Variants in ROBO2 observed in about 807,000 individuals in gnomAD.
The protein encoded by ROBO2 is roundabout homolog 2.
A neutral mutation model predicts 160.8 loss-of-function variants in ROBO2; 53 were observed. The observed-to-expected ratio is 0.33, with a 90% CI of 0.26 to 0.41. ROBO2 has a LOEUF of 0.41. Ranked by LOEUF, ROBO2 falls within the 10% of genes least tolerant of loss-of-function variation. The pLI is 1.00. For missense variants in ROBO2, 1,577 were observed against 1,722.4 expected, an observed-to-expected ratio of 0.92 and a Z score of 1.49; for synonymous variants, 664 against 611.7, an observed-to-expected ratio of 1.09 and a Z score of -1.26.
chr3:76,702,946 C>CT (rs1330950081), intron 2 of ROBO2, among the ~76,000 whole-genome samples: 2 of 152,096 alleles, frequency 1.3e-5, no homozygotes, highest in African/African-American at 2.4e-5. Flanking sequence ...AGAAAATACA[C>CT]TTAATCTTTT....
At chr3:76,340,591 T>C (rs1046147359) in intron 2 of ROBO2, among the ~76,000 whole-genome samples, 1 of 152,204 alleles carries the variant, frequency 6.6e-6, no homozygotes, top group African/African-American at 2.4e-5. Context: ...ATTTAACTTT[T>C]GCAGAAATCA....
chr3:76,734,119 A>G (rs1254158550), intron 2 of ROBO2, among the ~76,000 whole-genome samples: 1 of 152,176 alleles, frequency 6.6e-6, no homozygotes, highest in Non-Finnish European at 1.5e-5. Flanking sequence ...TGGGGTTTGT[A>G]CTTCAACATA....
At chr3:76,886,974 T>C (rs1168001711) in intron 2 of ROBO2, among the ~76,000 whole-genome samples, 1 of 152,216 alleles carries the variant, frequency 6.6e-6, no homozygotes, top group East Asian at 1.9e-4. Flanking sequence ...AGAAACATCA[T>C]AGAAAGTTTT....
chr3:77,417,917 T>C (rs2077390826), intron 2 of ROBO2, among the ~76,000 whole-genome samples: 1 of 151,678 alleles, frequency 6.6e-6, no homozygotes, highest in African/African-American at 2.4e-5. Flanking sequence ...AATTTTCTCA[T>C]GTTACATATT....
chr3:76,262,240 G>A (rs1249168291), intron 2 of ROBO2, among the ~76,000 whole-genome samples: 1 of 151,778 alleles, frequency 6.6e-6, no homozygotes, highest in Admixed American at 6.6e-5. Flanking sequence ...TTATAATGTA[G>A]TTAGTATGAA....
At chr3:76,674,643 A>C (rs1292248808) in intron 2 of ROBO2, among the ~76,000 whole-genome samples, 2 of 135,712 alleles carry the variant, frequency 1.5e-5, no homozygotes, top group Non-Finnish European at 3.3e-5. Context: ...AACCTGTAGA[A>C]AGTGCAAATT....
chr3:77,326,270 G>T (rs1416126531), intron 2 of ROBO2, among the ~76,000 whole-genome samples: 1 of 152,134 alleles, frequency 6.6e-6, no homozygotes, highest in Non-Finnish European at 1.5e-5. Context: ...GAGTAAATGT[G>T]GGGAATTTTG....
intron 2 of ROBO2, among the ~76,000 whole-genome samples, chr3:76,111,387 T>C (rs984659265): frequency 6.6e-6 from 1 of 152,150 alleles, no homozygotes; most frequent in Non-Finnish European, 1.5e-5. Context: ...TACAATGATA[T>C]TGAGCTTCTG....
At chr3:76,393,994 T>C (rs2077289285) in intron 2 of ROBO2, among the ~76,000 whole-genome samples, 1 of 152,156 alleles carries the variant, frequency 6.6e-6, no homozygotes, top group Non-Finnish European at 1.5e-5. Context: ...TCTTCCTCCA[T>C]CCTTTTATTT....
In ROBO2 at chr3:77,226,808, A is replaced by T. The variant is rs181155568; in HGVS notation, c.388+128468A>T. Among the ~76,000 whole-genome samples, 3 of 152,292 alleles carry T rather than the reference A, an allele frequency of 2.0e-5. No individual in the cohort carries two copies. In the East Asian group the frequency reaches 5.8e-4, roughly 29 times the overall value. The stretch of plus-strand genomic sequence containing the variant: ...AAGTGTTAAATATCTCATAAAATTT[A>T]CCAAATACTGTACTGGAAAGTGAAA... On this transcript the variant is annotated intron_variant, in intron 2 of 25. Coordinates refer to ENST00000461745, the Ensembl canonical transcript of ROBO2.
At chr3:77,219,247 G>A (rs189102436) in intron 2 of ROBO2, among the ~76,000 whole-genome samples, 72 of 151,810 alleles carry the variant, frequency 4.7e-4, no homozygotes, top group African/African-American at 1.6e-3. Context: ...TGAGATTACA[G>A]ACAGGCGTGA....
intron 2 of ROBO2, among the ~76,000 whole-genome samples, chr3:76,848,352 G>T (rs920861517): frequency 1.3e-5 from 2 of 152,114 alleles, no homozygotes; most frequent in Admixed American, 6.6e-5. Context: ...TTGATTTGTA[G>T]CATTGTAACA....
At chr3:76,997,630 G>C (rs1023703770) in intron 2 of ROBO2, among the ~76,000 whole-genome samples, 14 of 152,186 alleles carry the variant, frequency 9.2e-5, no homozygotes, top group Non-Finnish European at 1.6e-4. Context: ...TAAAAAGTAA[G>C]AGAAAGACCA....
intron 2 of ROBO2, among the ~76,000 whole-genome samples, chr3:76,273,217 G>A (rs964237757): frequency 9.0e-5 from 13 of 144,406 alleles, no homozygotes; most frequent in African/African-American, 3.4e-4. Flanking sequence ...ACTTATCTAA[G>A]TATGACTTCT....
intron 2 of ROBO2, among the ~76,000 whole-genome samples, chr3:77,381,565 G>T (rs1367398857): frequency 6.6e-6 from 1 of 152,114 alleles, no homozygotes. Flanking sequence ...TTCATACTCT[G>T]ACTATTTTTG....
intron 2 of ROBO2, among the ~76,000 whole-genome samples, chr3:76,964,912 T>G (rs1282416531): frequency 6.6e-6 from 1 of 152,218 alleles, no homozygotes; most frequent in East Asian, 1.9e-4. Flanking sequence ...AGCTTGCCTC[T>G]TCAATGACTG....
intron 2 of ROBO2, among the ~76,000 whole-genome samples, chr3:76,626,472 A>T (rs1246703013): frequency 1.3e-5 from 2 of 152,144 alleles, no homozygotes; most frequent in Admixed American, 1.3e-4. Flanking sequence ...CTGAGAAGGG[A>T]TCAAAAAAGT....
intron 2 of ROBO2, among the ~76,000 whole-genome samples, chr3:77,139,815 C>T (rs1233877795): frequency 6.6e-6 from 1 of 152,174 alleles, no homozygotes; most frequent in Non-Finnish European, 1.5e-5. Context: ...AGTCACTTTG[C>T]TTCCCCTCAT....
chr3:76,163,485 A>G (rs768370160), intron 2 of ROBO2, among the ~76,000 whole-genome samples: 3 of 149,380 alleles, frequency 2.0e-5, no homozygotes, highest in Non-Finnish European at 4.4e-5. Context: ...TGTATATACA[A>G]TATATAACTG....
Sources: allele counts gnomAD v4.1 joint callset (sites outside exome capture counted in the v4.1 genomes callset), GRCh38; gene constraint gnomAD v4.1.1; transcripts MANE v1.5; gene names NCBI Gene and HGNC (gene_info 2026-07-23, HGNC 2026-07-21).